The following RAPGEF2 variants were observed in gnomAD, a reference collection of about 807,000 sequenced individuals.
The protein encoded by RAPGEF2 is PDZ domain containing guanine nucleotide exchange factor (GEF) 1.
In RAPGEF2, 54 loss-of-function variants were observed where a neutral mutation model predicts 186.7. That is an observed-to-expected ratio of 0.29 (90% CI 0.23 to 0.36). The LOEUF (loss-of-function observed/expected upper bound fraction) is 0.36, where lower values mean the gene tolerates loss of function less well. Among genes scored for constraint, RAPGEF2 ranks in the 10% least tolerant of loss-of-function variants. RAPGEF2 has a pLI of 1.00. For missense variants in RAPGEF2, 1,532 were observed against 2,045.0 expected, an observed-to-expected ratio of 0.75 and a Z score of 4.84; for synonymous variants, 712 against 705.9, an observed-to-expected ratio of 1.01 and a Z score of -0.14.
intron 4 of RAPGEF2, among the ~76,000 whole-genome samples, chr4:159,220,067 T>G (rs186602809): frequency 6.6e-6 from 1 of 152,138 alleles, no homozygotes; most frequent in African/African-American, 2.4e-5. Context: ...TTTAGCAACT[T>G]GGGAGTCCTA....
intron 7 of RAPGEF2, among the ~76,000 whole-genome samples, chr4:159,301,179 C>T (rs561992674): frequency 1.5e-4 from 23 of 152,232 alleles, no homozygotes; most frequent in Admixed American, 1.5e-3. Context: ...TTGAGACCAG[C>T]TTGGCCAACA....
At chr4:159,231,028 T>A (rs1752577790) in intron 4 of RAPGEF2, among the ~76,000 whole-genome samples, 1 of 152,196 alleles carries the variant, frequency 6.6e-6, no homozygotes, top group African/African-American at 2.4e-5. Context: ...GTAATAATGT[T>A]TTAATCAGTA....
At chr4:159,284,498 ACACACACAC>A in intron 7 of RAPGEF2, among the ~76,000 whole-genome samples, 1 of 46,454 alleles carries the variant, frequency 2.2e-5, no homozygotes, top group South Asian at 6.0e-4. Context: ...ACACACACAC[ACACACACAC>A]ACACACACAC....
At chr4:159,174,515 A>C (rs1467557476) in intron 1 of RAPGEF2, among the ~76,000 whole-genome samples, 1 of 152,154 alleles carries the variant, frequency 6.6e-6, no homozygotes, top group Admixed American at 6.5e-5. Flanking sequence ...TCTGTTTTGT[A>C]ATTTTTATGG....
chr4:159,209,949 T>C (rs1750359502), intron 3 of RAPGEF2, among the ~76,000 whole-genome samples: 1 of 152,278 alleles, frequency 6.6e-6, no homozygotes, highest in Non-Finnish European at 1.5e-5. Flanking sequence ...AAGCTATCTT[T>C]TGATGAAAAG....
chr4:159,357,444 C>G (rs536879691), intron 29 of RAPGEF2, among the ~76,000 whole-genome samples: 1 of 152,294 alleles, frequency 6.6e-6, no homozygotes, highest in South Asian at 2.1e-4. Flanking sequence ...TGCGTTCTTT[C>G]TACAAATCTA....
intron 1 of RAPGEF2, among the ~76,000 whole-genome samples, chr4:159,105,523 A>G (rs1374678569): frequency 2.6e-5 from 4 of 152,176 alleles, no homozygotes; most frequent in Admixed American, 6.5e-5. Flanking sequence ...GATTGCACAT[A>G]TTTATCAAAC....
intron 3 of RAPGEF2, among the ~76,000 whole-genome samples, chr4:159,206,589 C>T (rs1002703946): frequency 6.6e-6 from 1 of 152,024 alleles, no homozygotes; most frequent in Non-Finnish European, 1.5e-5. Context: ...ATGTAAAAAC[C>T]CTCCAGTGAC....
chr4:159,202,983 C>G (rs992102674), intron 3 of RAPGEF2, among the ~76,000 whole-genome samples: 13 of 152,194 alleles, frequency 8.5e-5, no homozygotes, highest in African/African-American at 3.1e-4. Context: ...AGCATTTTCA[C>G]AGTTATTTTC....
intron 3 of RAPGEF2, among the ~76,000 whole-genome samples, chr4:159,208,942 G>A (rs1750231862): frequency 6.6e-6 from 1 of 151,816 alleles, no homozygotes; most frequent in African/African-American, 2.4e-5. Context: ...CCAGGCTGGA[G>A]TGCAGTAGCA....
Position 159,359,800 on chromosome 4 carries a change from G to A in RAPGEF2, c.*1661G>A, listed in dbSNP as rs938207465. The A allele has an allele frequency of 2.6e-5, 4 of 152,062 alleles. No individual in the cohort carries two copies. The highest frequency in any genetic ancestry group is 9.7e-5 in the African/African-American group (4 of 41,390). The allele number at this position is 152,062 out of a possible 1,614,324, so 9.4% of individuals were successfully genotyped here. On this transcript the variant is annotated 3_prime_UTR_variant, in exon 30 of 30. Coordinates refer to ENST00000691494, the MANE Select transcript of RAPGEF2 (RefSeq NM_001394067.2). Reference sequence around the variant, plus strand: ...ATTATTTGCCAGTTTTATTATATAGGCTATGGACCTCATGTGCATATAGAA... The same window carrying A: ...ATTATTTGCCAGTTTTATTATATAGACTATGGACCTCATGTGCATATAGAA...
At chr4:159,317,692 C>T (rs1764769444) in intron 9 of RAPGEF2, among the ~76,000 whole-genome samples, 1 of 152,134 alleles carries the variant, frequency 6.6e-6, no homozygotes, top group Admixed American at 6.5e-5. Context: ...TTCACGTTCT[C>T]ATTCTTTGCC....
intron 1 of RAPGEF2, among the ~76,000 whole-genome samples, chr4:159,169,280 G>A (rs1041633925): frequency 2.6e-5 from 4 of 152,218 alleles, no homozygotes; most frequent in East Asian, 1.9e-4. Context: ...TCAATTACAC[G>A]TCAAATTCTG....
intron 4 of RAPGEF2, among the ~76,000 whole-genome samples, chr4:159,219,344 ATCCTTTTTTTTTTTTTTTT>A (rs1751291092): frequency 7.9e-6 from 1 of 125,948 alleles, no homozygotes; most frequent in African/African-American, 3.2e-5. Flanking sequence ...TCCCAACTGT[ATCCTTTTTTTTTTTTTTTT>A]TTTTTTTTTT....
intron 12 of RAPGEF2, 124 bp from the exon 13 acceptor site, chr4:159,330,210 A>G (rs1370790320): frequency 1.2e-5 from 10 of 833,614 alleles, no homozygotes; most frequent in Non-Finnish European, 1.8e-5. Flanking sequence ...TTTATGTTGA[A>G]TGTTTGAAAT....
intron 7 of RAPGEF2, among the ~76,000 whole-genome samples, chr4:159,259,211 A>G (rs1046672417): frequency 1.3e-5 from 2 of 152,222 alleles, no homozygotes; most frequent in African/African-American, 2.4e-5. Flanking sequence ...TGAATTTAAC[A>G]TGTATTGCTT....
At chr4:159,199,373 A>G (rs141742586) in intron 3 of RAPGEF2, among the ~76,000 whole-genome samples, 1,895 of 152,300 alleles carry the variant, frequency 0.012, 20 homozygotes, top group Non-Finnish European at 0.015. Flanking sequence ...TAAAAATACA[A>G]TTAATCCATA....
intron 4 of RAPGEF2, among the ~76,000 whole-genome samples, chr4:159,221,792 T>C (rs1751564754): frequency 6.6e-6 from 1 of 152,222 alleles, no homozygotes; most frequent in South Asian, 2.1e-4. Flanking sequence ...CTGTGACATA[T>C]ATAAGGCAAA....
At chr4:159,265,795 G>C (rs1221152967) in intron 7 of RAPGEF2, among the ~76,000 whole-genome samples, 1 of 152,136 alleles carries the variant, frequency 6.6e-6, no homozygotes, top group Non-Finnish European at 1.5e-5. Flanking sequence ...AAAAAATAAT[G>C]ATTGGAGTGG....
Sources: gnomAD v4.1 joint callset for allele counts (sites outside exome capture counted in the v4.1 genomes callset) on GRCh38, gnomAD v4.1.1 for gene constraint, MANE v1.5 for transcripts, NCBI Gene and HGNC (gene_info 2026-07-23, HGNC 2026-07-21) for gene names.